The following RBPJ variants were observed in gnomAD, a reference collection of about 807,000 sequenced individuals.
RBPJ encodes recombination signal binding protein for immunoglobulin kappa J region, also known as recombining binding protein suppressor of hairless.
RBPJ carries 9 observed loss-of-function variants against 67.8 expected under a neutral mutation model. The ratio of observed to expected loss-of-function variants is 0.13; its 90% CI spans 0.08 to 0.23. The LOEUF is 0.23. RBPJ is among the 10% of genes least tolerant of loss of function. RBPJ has a pLI of 1.00. For synonymous variants in RBPJ, 198 were observed against 203.3 expected (o/e 0.97, Z 0.22); for missense variants, 305 against 595.6 (o/e 0.51, Z 5.08).
chr4:26,428,733 T>G lies in RBPJ; in HGVS notation c.761T>G (p.Val254Gly). Residue 254 changes from valine (V) to glycine (G), a missense_variant, in exon 8 of 11, where the codon GTT (valine) becomes GGT (glycine). Coordinates refer to ENST00000355476, the MANE Select transcript of RBPJ (RefSeq NM_015874.6). The part of the protein sequence containing the change: ...MALPRLIIRK[V>G]DKQTALLDAD... Reference sequence around the variant, plus strand: ...TGTTAAATATAGATAATTAGGAAAGTTGATAAGCAGACCGCATTATTGGAT... The same window carrying G: ...TGTTAAATATAGATAATTAGGAAAGGTGATAAGCAGACCGCATTATTGGAT... 1 of 1,609,256 alleles carries G rather than the reference T, an allele frequency of 6.2e-7. No individual in the cohort carries two copies. The highest frequency in any genetic ancestry group is 8.5e-7 in the Non-Finnish European group (1 of 1,177,696).
chr4:26,153,879 C>T, the RBPJ span, among the ~76,000 whole-genome samples: 12 of 152,124 alleles, frequency 7.9e-5, no homozygotes, highest in Admixed American at 7.9e-4. Flanking sequence ...ACCCAGGAGG[C>T]GGAGGTTGCA....
upstream of RBPJ, among the ~76,000 whole-genome samples, chr4:26,160,711 G>A (rs1716062485): frequency 6.6e-6 from 1 of 152,216 alleles, no homozygotes; most frequent in African/African-American, 2.4e-5. Flanking sequence ...GAGAAAGAGT[G>A]TGGGTGAATC....
At chr4:26,401,809 T>G (rs1242215707) in intron 2 of RBPJ, among the ~76,000 whole-genome samples, 1 of 152,160 alleles carries the variant, frequency 6.6e-6, no homozygotes, top group Non-Finnish European at 1.5e-5. Flanking sequence ...TCAAGTTTTG[T>G]GCTGGGAAAT....
the RBPJ span, among the ~76,000 whole-genome samples, chr4:26,109,968 A>G: frequency 6.6e-6 from 1 of 151,976 alleles, no homozygotes; most frequent in Admixed American, 6.6e-5. Flanking sequence ...GTGAGATCCC[A>G]TAGCTTTCTC....
intron 1 of RBPJ, among the ~76,000 whole-genome samples, chr4:26,224,269 A>T (rs1719011648): frequency 6.6e-6 from 1 of 152,016 alleles, no homozygotes; most frequent in South Asian, 2.1e-4. Flanking sequence ...TTGCTCTGTC[A>T]CCCAGGCTGG....
chr4:26,316,827 CTTTT>C (rs56130072), upstream of RBPJ, among the ~76,000 whole-genome samples: 4 of 71,384 alleles, frequency 5.6e-5, no homozygotes, highest in African/African-American at 2.2e-4. Flanking sequence ...ACCCAGACGA[CTTTT>C]TTTTTTTTTT....
upstream of RBPJ, chr4:26,320,974 A>C (rs570939465): frequency 6.5e-5 from 103 of 1,583,232 alleles, no homozygotes; most frequent in East Asian, 2.1e-3. Context: ...GGGACCAGGG[A>C]AGGCGTCGGG....
intron 1 of RBPJ, among the ~76,000 whole-genome samples, chr4:26,372,000 G>A (rs969934115): frequency 5.3e-5 from 8 of 152,164 alleles, no homozygotes; most frequent in Non-Finnish European, 1.2e-4. Context: ...GTGGCTTTCC[G>A]ACCTTCGTTT....
intron 2 of RBPJ, among the ~76,000 whole-genome samples, chr4:26,392,409 C>T (rs1041528985): frequency 9.9e-5 from 15 of 152,118 alleles, no homozygotes; most frequent in African/African-American, 3.1e-4. Flanking sequence ...CATACATAAC[C>T]CCAATATCCA....
upstream of RBPJ, among the ~76,000 whole-genome samples, chr4:26,159,723 C>A (rs1049609807): frequency 2.6e-5 from 4 of 152,144 alleles, no homozygotes; most frequent in Admixed American, 2.0e-4. Context: ...AACAAAGATA[C>A]CCTAAAGTAC....
At chr4:26,159,281 G>A (rs898983555), upstream of RBPJ, among the ~76,000 whole-genome samples, 9 of 152,148 alleles carry the variant, frequency 5.9e-5, no homozygotes, top group Non-Finnish European at 1.2e-4. Flanking sequence ...TGAAGGAGGA[G>A]GTCTAAGGTC....
intron 2 of RBPJ, among the ~76,000 whole-genome samples, chr4:26,399,467 A>T (rs914502646): frequency 6.6e-6 from 1 of 151,970 alleles, no homozygotes; most frequent in Non-Finnish European, 1.5e-5. Context: ...ACATGAGCTT[A>T]TCTTACCATT....
intron 1 of RBPJ, among the ~76,000 whole-genome samples, chr4:26,195,202 T>C (rs1225263812): frequency 1.3e-5 from 2 of 152,070 alleles, no homozygotes; most frequent in Non-Finnish European, 2.9e-5. Context: ...GACCTTGTCT[T>C]TACAAAAAGT....
upstream of RBPJ, chr4:26,319,691 G>A (rs866239479): frequency 2.9e-6 from 2 of 681,648 alleles, no homozygotes; most frequent in Non-Finnish European, 5.4e-6. Context: ...GAGGTGTAGC[G>A]TGAGACTGGA....
At chr4:26,386,511 T>A in intron 2 of RBPJ, 120 bp downstream of exon 2, 1 of 639,200 alleles carries the variant, frequency 1.6e-6, no homozygotes, top group Non-Finnish European at 2.6e-6. Flanking sequence ...GTCTAGAGCA[T>A]AAACTTATTC....
intron 1 of RBPJ, among the ~76,000 whole-genome samples, chr4:26,305,935 G>C (rs1722223859): frequency 6.6e-6 from 1 of 151,148 alleles, no homozygotes; most frequent in Non-Finnish European, 1.5e-5. Flanking sequence ...GTGTGCCACT[G>C]CCCTTGGCTA....
At chr4:26,308,927 T>G (rs1190760545) in intron 1 of RBPJ, among the ~76,000 whole-genome samples, 1 of 152,224 alleles carries the variant, frequency 6.6e-6, no homozygotes, top group Non-Finnish European at 1.5e-5. Context: ...TCTATTGATT[T>G]CCTGTGTAAC....
chr4:26,354,405 A>T (rs1475002228), intron 1 of RBPJ, among the ~76,000 whole-genome samples: 5 of 151,762 alleles, frequency 3.3e-5, no homozygotes, highest in Non-Finnish European at 5.9e-5. Flanking sequence ...TAAAAAATGT[A>T]GTAAATTAGC....
intron 1 of RBPJ, among the ~76,000 whole-genome samples, chr4:26,236,451 G>A (rs975149745): frequency 6.6e-6 from 1 of 152,186 alleles, no homozygotes; most frequent in South Asian, 2.1e-4. Flanking sequence ...GCAGTCAGAT[G>A]TTAGCTGGGG....
Sources: allele counts gnomAD v4.1 joint callset (sites outside exome capture counted in the v4.1 genomes callset), GRCh38; gene constraint gnomAD v4.1.1; transcripts MANE v1.5; gene names NCBI Gene and HGNC (gene_info 2026-07-23, HGNC 2026-07-21).